Variants in MLLT3 observed in about 807,000 individuals in gnomAD.
MLLT3 encodes the protein MLLT3 super elongation complex subunit.
MLLT3 carries 4 observed loss-of-function variants against 53.2 expected under a neutral mutation model. The observed-to-expected ratio is 0.08, with a 90% CI of 0.04 to 0.17. The LOEUF (loss-of-function observed/expected upper bound fraction) is 0.17. Among genes scored for constraint, MLLT3 ranks in the 10% least tolerant of loss-of-function variants. The probability of loss-of-function intolerance (pLI) is 1.00; values close to 1 mark genes in which losing one functional copy is unlikely to be tolerated. For missense variants in MLLT3, 569 were observed against 684.0 expected (o/e 0.83, Z 1.87); for synonymous variants, 283 against 230.6 (o/e 1.23, Z -2.06).
chr9:20,468,921 G>A (rs943212080), intron 2 of MLLT3, among the ~76,000 whole-genome samples: 21 of 152,068 alleles, frequency 1.4e-4, no homozygotes, highest in Non-Finnish European at 2.1e-4. Flanking sequence ...CAACAAAAAC[G>A]AAGGGATTTA....
intron 2 of MLLT3, among the ~76,000 whole-genome samples, chr9:20,578,046 A>G (rs959738130): frequency 6.6e-6 from 1 of 152,210 alleles, no homozygotes; most frequent in Non-Finnish European, 1.5e-5. Flanking sequence ...CCTACATACT[A>G]CTAAACAGAA....
chr9:20,488,768 C>T (rs752988340), intron 2 of MLLT3, among the ~76,000 whole-genome samples: 2 of 152,100 alleles, frequency 1.3e-5, no homozygotes, highest in South Asian at 4.1e-4. Flanking sequence ...GCCCCGTTTT[C>T]CATGAAAGAA....
intron 4 of MLLT3, among the ~76,000 whole-genome samples, chr9:20,445,446 C>G (rs1156549589): frequency 6.6e-6 from 1 of 152,092 alleles, no homozygotes; most frequent in Non-Finnish European, 1.5e-5. Context: ...ATTGACCCCT[C>G]TCCCAAAAAA....
intron 2 of MLLT3, among the ~76,000 whole-genome samples, chr9:20,545,122 AAGC>A (rs1818752538): frequency 1.4e-5 from 2 of 144,300 alleles, no homozygotes; most frequent in Non-Finnish European, 3.0e-5. Context: ...AAAAAAAAAA[AAGC>A]AGCAGCAGCA....
intron 10 of MLLT3, among the ~76,000 whole-genome samples, chr9:20,347,139 T>C (rs773349182): frequency 2.0e-5 from 3 of 148,516 alleles, no homozygotes; most frequent in South Asian, 2.1e-4. Flanking sequence ...CCTTAACAGA[T>C]AGTGACCAGA....
At chr9:20,581,010 T>C (rs914402086) in intron 2 of MLLT3, among the ~76,000 whole-genome samples, 3 of 152,252 alleles carry the variant, frequency 2.0e-5, no homozygotes, top group Admixed American at 6.5e-5. Context: ...CAAAAGGATA[T>C]TGCCAAATTC....
At chr9:20,443,403 A>G in intron 4 of MLLT3, among the ~76,000 whole-genome samples, 1 of 152,204 alleles carries the variant, frequency 6.6e-6, no homozygotes, top group East Asian at 1.9e-4. Flanking sequence ...ATCCGCTAAA[A>G]ATTCAGAATT....
At chr9:20,429,105 G>C (rs889098098) in intron 4 of MLLT3, among the ~76,000 whole-genome samples, 4 of 152,176 alleles carry the variant, frequency 2.6e-5, no homozygotes, top group African/African-American at 7.2e-5. Context: ...GTTCATGCCT[G>C]TAATCCCTGT....
chr9:20,575,872 T>C (rs547517850), intron 2 of MLLT3, among the ~76,000 whole-genome samples: 1 of 152,356 alleles, frequency 6.6e-6, no homozygotes, highest in Non-Finnish European at 1.5e-5. Flanking sequence ...AGTCAGCAGC[T>C]GCATTAGCCC....
chr9:20,413,990 G>A lies in MLLT3; in HGVS notation c.856C>T (p.Pro286Ser), dbSNP rs748591952. Residue 286 changes from proline (P) to serine (S), a missense_variant, in exon 5 of 11, where the codon CCC becomes TCC. Physicochemically the swap from Pro to Ser is moderately conservative, Grantham distance 74 (BLOSUM62 -1). Coordinates refer to ENST00000380338, the MANE Select transcript of MLLT3 (RefSeq NM_004529.4). ...GAGAGTTCTTCAGAATCTGAAATGG[G>A]CGGCCTTTTACTAGGAGCCTTCTTA... ...QDKKAPSKRPPISDSEELSAK... is the reference protein window; with the variant it reads ...QDKKAPSKRPSISDSEELSAK... 3.1e-6 allele frequency: 5 copies of A among 1,613,998 alleles called. No homozygotes were observed. The highest frequency in any genetic ancestry group is 4.5e-5 in the East Asian group (2 of 44,894).
chr9:20,387,184 G>T (rs1348615446), intron 5 of MLLT3, among the ~76,000 whole-genome samples: 1 of 152,192 alleles, frequency 6.6e-6, no homozygotes, highest in Non-Finnish European at 1.5e-5. Context: ...CTATTCCAGA[G>T]CTCCTCAACT....
At chr9:20,591,254 C>G (rs528893808) in intron 2 of MLLT3, among the ~76,000 whole-genome samples, 1 of 152,200 alleles carries the variant, frequency 6.6e-6, no homozygotes, top group South Asian at 2.1e-4. Flanking sequence ...AAGTTCCTGC[C>G]ACTACTGTAC....
At chr9:20,581,924 A>G (rs1474789657) in intron 2 of MLLT3, among the ~76,000 whole-genome samples, 2 of 152,166 alleles carry the variant, frequency 1.3e-5, no homozygotes, top group Non-Finnish European at 2.9e-5. Context: ...TTTCTCTCCT[A>G]TTTTTGAAAC....
chr9:20,585,141 C>G (rs1285525978), intron 2 of MLLT3, among the ~76,000 whole-genome samples: 1 of 152,108 alleles, frequency 6.6e-6, no homozygotes, highest in Non-Finnish European at 1.5e-5. Flanking sequence ...GCTGGAAAGT[C>G]CAAAATAAAG....
At chr9:20,542,547 T>C (rs1421996860) in intron 2 of MLLT3, among the ~76,000 whole-genome samples, 1 of 152,152 alleles carries the variant, frequency 6.6e-6, no homozygotes, top group Non-Finnish European at 1.5e-5. Flanking sequence ...AGAGCAGTAA[T>C]ATTTTTAAAG....
chr9:20,461,056 G>T (rs1390044148), intron 2 of MLLT3, among the ~76,000 whole-genome samples: 1 of 152,084 alleles, frequency 6.6e-6, no homozygotes, highest in African/African-American at 2.4e-5. Flanking sequence ...TACTACCCAT[G>T]TACTCCAAGA....
At position 20,503,509 on chromosome 9, in the gene MLLT3, C is replaced by T. The variant is rs144308583; in HGVS notation, c.194-46723G>A. 4.3e-3 allele frequency among the ~76,000 whole-genome samples: 654 copies of T among 152,166 alleles called. 2 individuals are homozygous for T. The highest frequency in any genetic ancestry group is 0.014 in the African/African-American group (569 of 41,528). Reference sequence around the variant, plus strand: ...ACACCACACACATAAGAATGAAATTCGACCCTTACTTCATACTAAATATAA... The same window carrying T: ...ACACCACACACATAAGAATGAAATTTGACCCTTACTTCATACTAAATATAA... On this transcript the variant is annotated intron_variant, in intron 2 of 10. Coordinates refer to ENST00000380338, the MANE Select transcript of MLLT3 (RefSeq NM_004529.4).
chr9:20,459,813 T>C (rs1218089242), intron 2 of MLLT3, among the ~76,000 whole-genome samples: 1 of 152,210 alleles, frequency 6.6e-6, no homozygotes, highest in African/African-American at 2.4e-5. Flanking sequence ...CCAATTCATA[T>C]AATTATTTTT....
chr9:20,490,523 A>G (rs1824921758), intron 2 of MLLT3, among the ~76,000 whole-genome samples: 1 of 152,230 alleles, frequency 6.6e-6, no homozygotes, highest in Admixed American at 6.5e-5. Context: ...CACAGCCACA[A>G]GGAACCAGAT....
Sources: allele counts gnomAD v4.1 joint callset (sites outside exome capture counted in the v4.1 genomes callset), GRCh38; gene constraint gnomAD v4.1.1; transcripts MANE v1.5; gene names NCBI Gene and HGNC (gene_info 2026-07-23, HGNC 2026-07-21).